Variants in GALNT13 observed in about 807,000 individuals in gnomAD.
The protein encoded by GALNT13 is UDP-GalNAc:polypeptide N-acetylgalactosaminyltransferase 13.
In GALNT13, 28 loss-of-function variants were observed where a neutral mutation model predicts 64.2. The observed-to-expected ratio is 0.44, with a 90% CI of 0.32 to 0.60. GALNT13 has a LOEUF of 0.60. GALNT13 is among the 20% of genes least tolerant of loss of function. The pLI is 0.05. For missense variants in GALNT13, 577 were observed against 669.8 expected (o/e 0.86, Z 1.53); for synonymous variants, 214 against 224.6 (o/e 0.95, Z 0.42).
the GALNT13 span, among the ~76,000 whole-genome samples, chr2:153,276,936 T>G: frequency 9.7e-4 from 147 of 152,314 alleles, no homozygotes; most frequent in Middle Eastern, 3.4e-3. Context: ...TATTTCTTTT[T>G]GTATTCTGTT....
the GALNT13 span, among the ~76,000 whole-genome samples, chr2:153,646,862 A>G: frequency 6.6e-6 from 1 of 152,046 alleles, no homozygotes; most frequent in East Asian, 1.9e-4. Flanking sequence ...CCAGTCTATC[A>G]TTGTTGGACA....
chr2:154,445,899 A>C, intron 12 of GALNT13: 1 of 845,760 alleles, frequency 1.2e-6, no homozygotes, highest in Non-Finnish European at 1.7e-6. Context: ...TGGAGGAAAT[A>C]GATGGAGAGC....
chr2:153,674,361 C>A, the GALNT13 span, among the ~76,000 whole-genome samples: 2 of 152,022 alleles, frequency 1.3e-5, no homozygotes, highest in East Asian at 1.9e-4. Flanking sequence ...GATATATAGA[C>A]CAATGGAACA....
chr2:153,621,663 A>G, the GALNT13 span, among the ~76,000 whole-genome samples: 1 of 152,064 alleles, frequency 6.6e-6, no homozygotes, highest in East Asian at 1.9e-4. Context: ...TCAAACCCCA[A>G]CACAGTCCTT....
chr2:154,152,122 C>T (rs992502723), intron 4 of GALNT13, among the ~76,000 whole-genome samples: 5 of 152,130 alleles, frequency 3.3e-5, no homozygotes, highest in African/African-American at 9.7e-5. Context: ...TTAGGGCAGG[C>T]CTGGTGGTGA....
intron 4 of GALNT13, among the ~76,000 whole-genome samples, chr2:154,162,143 A>G (rs948980135): frequency 1.3e-5 from 2 of 152,206 alleles, no homozygotes; most frequent in African/African-American, 2.4e-5. Context: ...TAAATACTCT[A>G]TATCAGAAAT....
chr2:154,343,125 T>G (rs1695867199), intron 9 of GALNT13, among the ~76,000 whole-genome samples: 2 of 151,980 alleles, frequency 1.3e-5, no homozygotes, highest in African/African-American at 4.8e-5. Context: ...CCACAAACCC[T>G]GTCCTGCCCT....
intron 8 of GALNT13, among the ~76,000 whole-genome samples, chr2:154,283,745 A>G (rs934352949): frequency 6.6e-6 from 1 of 152,126 alleles, no homozygotes; most frequent in Non-Finnish European, 1.5e-5. Flanking sequence ...ACATACACAC[A>G]GCCTCACATC....
At chr2:154,349,148 T>TA (rs1696243999) in intron 9 of GALNT13, among the ~76,000 whole-genome samples, 1 of 152,170 alleles carries the variant, frequency 6.6e-6, no homozygotes, top group African/African-American at 2.4e-5. Flanking sequence ...CAATCGTCAG[T>TA]AAACAGGCAC....
At chr2:153,555,983 A>C in the GALNT13 span, among the ~76,000 whole-genome samples, 1 of 152,168 alleles carries the variant, frequency 6.6e-6, no homozygotes, top group Admixed American at 6.5e-5. Flanking sequence ...TGCCACTATA[A>C]ATTTTTATTA....
At chr2:154,231,297 G>T (rs77201102) in intron 4 of GALNT13, among the ~76,000 whole-genome samples, 1 of 152,008 alleles carries the variant, frequency 6.6e-6, no homozygotes, top group East Asian at 1.9e-4. Flanking sequence ...TGGGTTGCCA[G>T]TGCTAGTTGC....
At chr2:153,352,544 T>G in the GALNT13 span, among the ~76,000 whole-genome samples, 1 of 152,044 alleles carries the variant, frequency 6.6e-6, no homozygotes, top group South Asian at 2.1e-4. Context: ...CCCAAAGTCG[T>G]TTAGGTTTTC....
chr2:154,438,661 G>C lies in GALNT13; in HGVS notation c.1465G>C (p.Gly489Arg), dbSNP rs201061210. ...GTGCTTGGATGTTTCTAGACTCAATGGACCTGTAATCATGTTAAAATGCCA... is the reference window on the plus strand; with the variant it reads ...GTGCTTGGATGTTTCTAGACTCAATCGACCTGTAATCATGTTAAAATGCCA... ...DLCLDVSRLNGPVIMLKCHHM... is the reference protein window; with the variant it reads ...DLCLDVSRLNRPVIMLKCHHM... The change falls in exon 12 of 13, where the codon GGA becomes CGA. Residue 489 changes from glycine (G) to arginine (R), a missense_variant. This residue lies in a region of GALNT13 where 232 missense variants were observed against 270.6 expected (regional missense o/e 0.86). Coordinates refer to ENST00000392825, the MANE Select transcript of GALNT13 (RefSeq NM_052917.4). 2.8e-4 allele frequency: 449 copies of C among 1,611,304 alleles called. No homozygotes were observed. Among genetic ancestry groups the C allele is most frequent in the Non-Finnish European group, 3.6e-4 (426 of 1,177,654 alleles).
chr2:153,752,868 G>A, the GALNT13 span, among the ~76,000 whole-genome samples: 1 of 151,900 alleles, frequency 6.6e-6, no homozygotes, highest in Admixed American at 6.6e-5. Context: ...CCTCTTTAAG[G>A]CCAATAACTC....
chr2:153,459,172 A>G, the GALNT13 span, among the ~76,000 whole-genome samples: 1 of 152,222 alleles, frequency 6.6e-6, no homozygotes, highest in African/African-American at 2.4e-5. Flanking sequence ...ATAGTATGAC[A>G]AAACATAAAA....
At chr2:153,532,684 A>G in the GALNT13 span, among the ~76,000 whole-genome samples, 11 of 152,138 alleles carry the variant, frequency 7.2e-5, no homozygotes, top group African/African-American at 2.7e-4. Flanking sequence ...TTGCTTACAC[A>G]TGTGAGCATA....
At chr2:154,152,985 C>T (rs1302194740) in intron 4 of GALNT13, among the ~76,000 whole-genome samples, 1 of 152,186 alleles carries the variant, frequency 6.6e-6, no homozygotes, top group African/African-American at 2.4e-5. Flanking sequence ...GAGCTGCGTT[C>T]CTTTGGAGGA....
At chr2:153,957,502 T>C (rs1692646442) in intron 3 of GALNT13, among the ~76,000 whole-genome samples, 1 of 152,198 alleles carries the variant, frequency 6.6e-6, no homozygotes, top group Non-Finnish European at 1.5e-5. Flanking sequence ...TGGGGGCTAG[T>C]AGAAGAAGGT....
chr2:154,301,248 ATTCGCATCC>A (rs1350370982), intron 8 of GALNT13, among the ~76,000 whole-genome samples, 152 bp from the exon 9 acceptor site: 2 of 152,234 alleles, frequency 1.3e-5, no homozygotes, highest in African/African-American at 4.8e-5. Context: ...GATCTTCCAA[ATTCGCATCC>A]TTTGCCAAAA....
Sources: allele counts gnomAD v4.1 joint callset (sites outside exome capture counted in the v4.1 genomes callset), GRCh38; gene constraint gnomAD v4.1.1; regional missense constraint gnomAD v4.1.1; transcripts MANE v1.5; gene names NCBI Gene and HGNC (gene_info 2026-07-23, HGNC 2026-07-21).